Variants in PCSK6 observed in about 807,000 individuals in gnomAD.
PCSK6 encodes the protein paired basic amino acid cleaving enzyme 4.
A neutral mutation model predicts 123.3 loss-of-function variants in PCSK6; 85 were observed. That is an observed-to-expected ratio of 0.69 (90% CI 0.58 to 0.83). PCSK6 has a LOEUF of 0.83. PCSK6 is among the 40% of genes least tolerant of loss of function. The pLI is 0.00. For synonymous variants in PCSK6, 508 were observed against 516.0 expected, an observed-to-expected ratio of 0.98 and a Z score of 0.21; for missense variants, 1,191 against 1,282.3, an observed-to-expected ratio of 0.93 and a Z score of 1.09.
intron 10 of PCSK6, 55 bp from the exon 11 acceptor site, chr15:101,382,264 C>T: frequency 7.3e-7 from 1 of 1,364,070 alleles, no homozygotes; most frequent in Non-Finnish European, 1.0e-6. Flanking sequence ...AGGAAGGGAG[C>T]AAGGCTGGCT....
rs1408808772 is a variant in PCSK6, at chr15:101,382,123, T to C, written c.1501A>G (p.Met501Val). The C allele has an allele frequency of 1.9e-6, 3 of 1,611,408 alleles. No homozygotes were observed. The highest frequency in any genetic ancestry group is 1.7e-5 in the Admixed American group (1 of 59,676). ...CTCTTGTCCGAGGCGGCCACACACA[T>C]GTGCTGCGATGGCACTGCTGTCCAC... ...KKWTAVPSQH[M>V]CVAASDKRPR... Residue 501 changes from methionine (M) to valine (V), a missense_variant, in exon 11 of 22, where the codon ATG becomes GTG. By Grantham distance (21) the Met-to-Val change is conservative. Around this residue, in one of 3 missense-constraint regions of PCSK6, gnomAD observed 630 missense variants for 631.4 expected, o/e 1.00. Transcript: ENST00000611716.
intron 2 of PCSK6, among the ~76,000 whole-genome samples, chr15:101,439,973 C>CAT (rs59780998): frequency 0.013 from 1,989 of 152,296 alleles, 97 homozygotes; most frequent in East Asian, 0.12. Flanking sequence ...CCCAAGTCAT[C>CAT]ATGCTAAAAT....
chr15:101,437,968 G>A (rs1380531326), intron 2 of PCSK6, among the ~76,000 whole-genome samples: 1 of 152,134 alleles, frequency 6.6e-6, no homozygotes, highest in African/African-American at 2.4e-5. Flanking sequence ...TGATGCGGGG[G>A]ACCCTAATCC....
At chr15:101,371,292 C>T (rs767954464) in intron 11 of PCSK6, among the ~76,000 whole-genome samples, 2 of 152,236 alleles carry the variant, frequency 1.3e-5, no homozygotes, top group Non-Finnish European at 1.5e-5. Flanking sequence ...GACCAGAAGG[C>T]GGCTTCTCCT....
chr15:101,379,448 C>T (rs530144111), intron 11 of PCSK6, among the ~76,000 whole-genome samples: 5 of 152,338 alleles, frequency 3.3e-5, no homozygotes, highest in Admixed American at 6.5e-5. Flanking sequence ...GTAGCATCCT[C>T]TCCTGTTCAA....
At chr15:101,453,270 T>C (rs964954942) in intron 1 of PCSK6, among the ~76,000 whole-genome samples, 1 of 152,168 alleles carries the variant, frequency 6.6e-6, no homozygotes, top group Non-Finnish European at 1.5e-5. Context: ...GGAGGCTGCT[T>C]GAGGCCTGGC....
chr15:101,355,410 G>T (rs564146995), intron 13 of PCSK6, among the ~76,000 whole-genome samples: 31 of 152,388 alleles, frequency 2.0e-4, no homozygotes, highest in African/African-American at 6.3e-4. Flanking sequence ...GGAAGACTGT[G>T]GGAGGTGCCC....
intron 13 of PCSK6, among the ~76,000 whole-genome samples, chr15:101,356,222 G>A (rs1485730009): frequency 6.6e-6 from 1 of 152,158 alleles, no homozygotes; most frequent in Non-Finnish European, 1.5e-5. Flanking sequence ...TGCCAGCTCC[G>A]TTCGTAGCCT....
At chr15:101,445,435 G>A (rs1245420221) in intron 1 of PCSK6, among the ~76,000 whole-genome samples, 11 of 152,144 alleles carry the variant, frequency 7.2e-5, no homozygotes, top group Admixed American at 1.3e-4. Context: ...GTAAGTGCTC[G>A]ATACACGGTT....
At chr15:101,366,457 G>C (rs139113712) in intron 12 of PCSK6, 125 bp from the exon 13 acceptor site, 2 of 980,972 alleles carry the variant, frequency 2.0e-6, no homozygotes, top group Non-Finnish European at 2.9e-6. Context: ...CCAGGGTAGC[G>C]GGGGTCTGGC....
intron 1 of PCSK6, among the ~76,000 whole-genome samples, chr15:101,486,941 TGC>T (rs1286482847): frequency 6.6e-6 from 1 of 152,228 alleles, no homozygotes; most frequent in East Asian, 1.9e-4. Flanking sequence ...AGGTGACATA[TGC>T]GTACCATGTG....
intron 20 of PCSK6, among the ~76,000 whole-genome samples, chr15:101,311,622 T>C: frequency 1.3e-5 from 2 of 151,702 alleles, no homozygotes; most frequent in African/African-American, 2.4e-5. Context: ...GAAAGCAGGC[T>C]AACGCCTGGT....
intron 13 of PCSK6, among the ~76,000 whole-genome samples, chr15:101,363,071 G>A (rs1294695722): frequency 1.3e-5 from 2 of 152,220 alleles, no homozygotes; most frequent in East Asian, 3.8e-4. Context: ...CCATAAAGGG[G>A]AGCAGAGAAG....
At chr15:101,325,907 G>A (rs999231470) in intron 16 of PCSK6, among the ~76,000 whole-genome samples, 11 of 152,202 alleles carry the variant, frequency 7.2e-5, no homozygotes, top group Admixed American at 3.3e-4. Flanking sequence ...GCTCTCTGGG[G>A]AGGTGCCAGG....
At chr15:101,346,699 G>C (rs917177219) in intron 13 of PCSK6, 5 of 1,168,776 alleles carry the variant, frequency 4.3e-6, no homozygotes, top group Non-Finnish European at 4.3e-6. Context: ...GGGGTTTCAA[G>C]AGAGCTCTCC....
At chr15:101,466,052 G>C (rs1408222020) in intron 1 of PCSK6, among the ~76,000 whole-genome samples, 1 of 152,110 alleles carries the variant, frequency 6.6e-6, no homozygotes, top group East Asian at 1.9e-4. Context: ...GAGAATGTCA[G>C]AGTGGATTAA....
At chr15:101,379,707 C>T (rs895560661) in intron 11 of PCSK6, among the ~76,000 whole-genome samples, 10 of 152,178 alleles carry the variant, frequency 6.6e-5, no homozygotes, top group South Asian at 2.1e-4. Context: ...TAGAAGAAGA[C>T]GGGAAAATGG....
intron 13 of PCSK6, among the ~76,000 whole-genome samples, chr15:101,336,071 C>T (rs975916787): frequency 6.6e-6 from 1 of 152,204 alleles, no homozygotes; most frequent in African/African-American, 2.4e-5. Flanking sequence ...TGTCATTTTG[C>T]AGCACACGAC....
chr15:101,337,358 G>A (rs1346794125), intron 13 of PCSK6: 1 of 152,062 alleles, frequency 6.6e-6, no homozygotes, highest in African/African-American at 2.4e-5. Flanking sequence ...AGTCACTTTG[G>A]TTTTCCTGCC....
Sources: allele counts gnomAD v4.1 joint callset (sites outside exome capture counted in the v4.1 genomes callset), GRCh38; gene constraint gnomAD v4.1.1; regional missense constraint gnomAD v4.1.1; transcripts MANE v1.5; gene names NCBI Gene and HGNC (gene_info 2026-07-23, HGNC 2026-07-21).